The following FGGY variants were observed in gnomAD, a reference collection of about 807,000 sequenced individuals.
FGGY encodes the protein FGGY carbohydrate kinase domain-containing protein.
A neutral mutation model predicts 71.3 loss-of-function variants in FGGY; 72 were observed. That is an observed-to-expected ratio of 1.01 (90% CI 0.84 to 1.23). The LOEUF (loss-of-function observed/expected upper bound fraction) is 1.23, where lower values mean the gene tolerates loss of function less well. Ranked by LOEUF, FGGY falls within the 50% of genes most tolerant of loss-of-function variation. FGGY has a pLI of 0.00. For synonymous variants in FGGY, 251 were observed against 250.3 expected, an observed-to-expected ratio of 1.00 and a Z score of -0.02; for missense variants, 668 against 682.3, an observed-to-expected ratio of 0.98 and a Z score of 0.23.
chr1:59,606,074 C>T (rs4571987), intron 8 of FGGY, among the ~76,000 whole-genome samples: 125,793 of 152,064 alleles, frequency 0.83, 52,175 homozygotes, highest in Middle Eastern at 0.92. Flanking sequence ...TATCCCCACC[C>T]GTTCTAGTTC....
chr1:59,711,388 A>G (rs2097793105), intron 14 of FGGY, among the ~76,000 whole-genome samples: 1 of 152,214 alleles, frequency 6.6e-6, no homozygotes, highest in Non-Finnish European at 1.5e-5. Flanking sequence ...ATATATACCT[A>G]TGTAACAAAC....
chr1:59,637,439 C>T (rs2096971963), intron 10 of FGGY, among the ~76,000 whole-genome samples: 1 of 152,038 alleles, frequency 6.6e-6, no homozygotes, highest in South Asian at 2.1e-4. Context: ...TTGAGACCAG[C>T]CTGGCTAACA....
intron 1 of FGGY, among the ~76,000 whole-genome samples, chr1:59,297,810 G>A (rs1342128041): frequency 2.1e-5 from 3 of 145,838 alleles, no homozygotes; most frequent in Non-Finnish European, 4.5e-5. Flanking sequence ...GGGACAGAGC[G>A]TCTCAGAAAA....
intron 4 of FGGY, among the ~76,000 whole-genome samples, chr1:59,362,441 C>T (rs2055747098): frequency 6.6e-6 from 1 of 152,180 alleles, no homozygotes; most frequent in Non-Finnish European, 1.5e-5. Context: ...TGGTGGCTCC[C>T]ATTCTTTTCT....
chr1:59,709,768 A>T (rs187556719), intron 14 of FGGY, among the ~76,000 whole-genome samples: 1 of 152,154 alleles, frequency 6.6e-6, no homozygotes, highest in Non-Finnish European at 1.5e-5. Flanking sequence ...CAAAATGAAA[A>T]TGTAGGTCCC....
chr1:59,707,412 G>C (rs1379174485), intron 14 of FGGY, among the ~76,000 whole-genome samples: 2 of 152,292 alleles, frequency 1.3e-5, no homozygotes, highest in African/African-American at 4.8e-5. Flanking sequence ...GGGGGAGAGA[G>C]GGATGACTGT....
At chr1:59,633,544 C>T (rs895855339) in intron 10 of FGGY, among the ~76,000 whole-genome samples, 2 of 151,908 alleles carry the variant, frequency 1.3e-5, no homozygotes, top group African/African-American at 4.8e-5. Flanking sequence ...CTGTATATTC[C>T]AGCATGTCTG....
At chr1:59,401,204 A>C (rs2061924942) in intron 5 of FGGY, among the ~76,000 whole-genome samples, 1 of 152,190 alleles carries the variant, frequency 6.6e-6, no homozygotes, top group Non-Finnish European at 1.5e-5. Context: ...ACAGTTTTTA[A>C]TGTCAGCATT....
intron 14 of FGGY, among the ~76,000 whole-genome samples, chr1:59,705,937 G>A (rs1421909026): frequency 1.3e-5 from 2 of 152,174 alleles, no homozygotes; most frequent in South Asian, 2.1e-4. Context: ...TATCTAGCTT[G>A]AGAGTCTGAG....
At chr1:59,662,082 G>T (rs2097280379) in intron 12 of FGGY, among the ~76,000 whole-genome samples, 1 of 147,402 alleles carries the variant, frequency 6.8e-6, no homozygotes, top group Non-Finnish European at 1.5e-5. Flanking sequence ...AGCACTTTGG[G>T]AGGCCAAAGA....
chr1:59,596,858 A>G (rs35740415), intron 8 of FGGY, among the ~76,000 whole-genome samples: 3,184 of 152,060 alleles, frequency 0.021, 54 homozygotes, highest in Non-Finnish European at 0.035. Context: ...AGGCTTTCAG[A>G]CCCTCTCTCT....
intron 14 of FGGY, among the ~76,000 whole-genome samples, chr1:59,714,316 G>C (rs975836868): frequency 6.6e-6 from 1 of 152,178 alleles, no homozygotes; most frequent in Non-Finnish European, 1.5e-5. Context: ...CAGAGGCCTG[G>C]GTTGGGTGCC....
At chr1:59,388,497 G>T (rs1035548928) in intron 5 of FGGY, among the ~76,000 whole-genome samples, 5 of 152,130 alleles carry the variant, frequency 3.3e-5, no homozygotes, top group African/African-American at 1.2e-4. Flanking sequence ...TCTCCCCAGA[G>T]AGCAGAGGCA....
intron 5 of FGGY, among the ~76,000 whole-genome samples, chr1:59,408,677 T>G (rs1222512453): frequency 2.6e-5 from 4 of 152,202 alleles, no homozygotes; most frequent in Non-Finnish European, 2.9e-5. Flanking sequence ...TCACATCATT[T>G]TTTTCCCCAG....
chr1:59,647,748 T>G (rs2097109707), intron 11 of FGGY, among the ~76,000 whole-genome samples: 1 of 150,754 alleles, frequency 6.6e-6, no homozygotes, highest in Non-Finnish European at 1.5e-5. Flanking sequence ...CATCTTTTTT[T>G]TTTTTTTTTT....
rs371863671 is a variant in FGGY at position 59,325,125 on chromosome 1, G to T, written c.201+3375G>T. ...TCCCAGCACTTTGGGAGGCCAAGGC[G>T]GGCGGATCACGAGGTCAGGAGATTG... On this transcript the variant is annotated intron_variant, in intron 2 of 15. Coordinates refer to ENST00000303721, the MANE Select transcript of FGGY (RefSeq NM_018291.5). Among the ~76,000 whole-genome samples, 77 of 152,248 alleles carry T rather than the reference G, an allele frequency of 5.1e-4. 2 individuals are homozygous for T. In the Middle Eastern group the frequency reaches 0.017, roughly 34 times the overall value.
chr1:59,386,695 G>T (rs945358329), intron 5 of FGGY, among the ~76,000 whole-genome samples: 4 of 151,974 alleles, frequency 2.6e-5, no homozygotes, highest in African/African-American at 9.7e-5. Context: ...TCTTGTCTCA[G>T]TTCACCTTTT....
chr1:59,540,873 C>A (rs1302216919), intron 7 of FGGY, among the ~76,000 whole-genome samples: 1 of 152,118 alleles, frequency 6.6e-6, no homozygotes, highest in Non-Finnish European at 1.5e-5. Flanking sequence ...CACAAAGGAG[C>A]AACTCCCAAC....
At chr1:59,633,629 C>G (rs2096929394) in intron 10 of FGGY, among the ~76,000 whole-genome samples, 1 of 152,112 alleles carries the variant, frequency 6.6e-6, no homozygotes, top group African/African-American at 2.4e-5. Context: ...AAGAACCAAT[C>G]AGGAAAGAGT....
Sources: gnomAD v4.1 joint callset for allele counts (sites outside exome capture counted in the v4.1 genomes callset) on GRCh38, gnomAD v4.1.1 for gene constraint, MANE v1.5 for transcripts, NCBI Gene and HGNC (gene_info 2026-07-23, HGNC 2026-07-21) for gene names.